CASD1: variants seen among roughly 807,000 people sequenced by gnomAD.
The protein encoded by CASD1 is N-acetylneuraminate (7)9-O-acetyltransferase.
In CASD1, 41 loss-of-function variants were observed where a neutral mutation model predicts 100.0. That is an observed-to-expected ratio of 0.41 (90% CI 0.32 to 0.53). The LOEUF (loss-of-function observed/expected upper bound fraction) is 0.53, where lower values mean the gene tolerates loss of function less well. CASD1 is among the 20% of genes least tolerant of loss of function. The probability of loss-of-function intolerance (pLI) is 0.25; values close to 1 mark genes in which losing one functional copy is unlikely to be tolerated. For missense variants in CASD1, 774 were observed against 948.7 expected (o/e 0.82, Z 2.42); for synonymous variants, 321 against 315.6 (o/e 1.02, Z -0.18).
chr7:94,554,468 G>A lies in CASD1; in HGVS notation c.2035-15G>A, dbSNP rs1297976532. The A allele has an allele frequency of 6.6e-7, 1 of 1,524,854 alleles. No homozygotes were observed. The highest frequency in any genetic ancestry group is 9.0e-7 in the Non-Finnish European group (1 of 1,106,344). The allele number at this position is 1,524,854 out of a possible 1,614,324, so 94.5% of individuals were successfully genotyped here. A position where few individuals can be genotyped will look rare whatever the true frequency, so the allele number is the denominator to read the frequency against. ...AAAGAGATTATTAATATTTGCTTTTGTGCTTTTTCTTTAGATTTTAGCCTT... is the reference window on the plus strand; with the variant it reads ...AAAGAGATTATTAATATTTGCTTTTATGCTTTTTCTTTAGATTTTAGCCTT... On this transcript the variant is annotated splice_polypyrimidine_tract_variant and intron_variant, in intron 16 of 17. Transcript: ENST00000297273.
At chr7:94,546,950 T>C (rs533917353) in intron 12 of CASD1, 146 bp from the exon 13 acceptor site, 1 of 485,708 alleles carries the variant, frequency 2.1e-6, no homozygotes, top group East Asian at 3.5e-5. Context: ...TAATTTATAC[T>C]AACTGGATAT....
chr7:94,586,798 A>G, the CASD1 span: 152,859 of 981,936 alleles, frequency 0.16, 17,624 homozygotes, highest in African/African-American at 0.56. Flanking sequence ...CACCGCACCC[A>G]GCCTCCATTT....
At chr7:94,527,008 C>G (rs927780766) in intron 3 of CASD1, among the ~76,000 whole-genome samples, 154 bp from the exon 4 acceptor site, 1 of 151,898 alleles carries the variant, frequency 6.6e-6, no homozygotes, top group Non-Finnish European at 1.5e-5. Context: ...TCGGTTTTTT[C>G]CCTTTCGGGT....
At chr7:94,542,083 C>G (rs923826848) in intron 10 of CASD1, among the ~76,000 whole-genome samples, 3 of 152,194 alleles carry the variant, frequency 2.0e-5, no homozygotes, top group African/African-American at 7.2e-5. Context: ...ATGAATTATA[C>G]TTACTGTTTA....
chr7:94,514,366 C>T (rs926773858), intron 1 of CASD1, among the ~76,000 whole-genome samples: 2 of 152,110 alleles, frequency 1.3e-5, no homozygotes, highest in Non-Finnish European at 2.9e-5. Flanking sequence ...TAAAGTATAA[C>T]TTGCTGTATC....
At chr7:94,595,554 C>A in the CASD1 span, among the ~76,000 whole-genome samples, 1 of 152,106 alleles carries the variant, frequency 6.6e-6, no homozygotes, top group South Asian at 2.1e-4. Context: ...ATTATCCAAG[C>A]ATATACCTGG....
intron 1 of CASD1, 105 bp downstream of exon 1, chr7:94,510,322 C>G: frequency 1.1e-6 from 1 of 877,436 alleles, no homozygotes; most frequent in Non-Finnish European, 1.5e-6. Flanking sequence ...GGCCTTCCGC[C>G]GGCCCGGCCC....
the CASD1 span, among the ~76,000 whole-genome samples, chr7:94,578,377 G>A: frequency 6.6e-6 from 1 of 151,944 alleles, no homozygotes; most frequent in Non-Finnish European, 1.5e-5. Context: ...TCCCACTTCC[G>A]CCTCATCAAT....
intron 8 of CASD1, 60 bp from the exon 9 acceptor site, chr7:94,537,412 A>T: frequency 6.8e-7 from 1 of 1,473,064 alleles, no homozygotes; most frequent in Non-Finnish European, 9.2e-7. Context: ...CACAGGAGAA[A>T]ATTTAATGTG....
the CASD1 span, among the ~76,000 whole-genome samples, chr7:94,605,640 C>G: frequency 6.6e-6 from 1 of 151,844 alleles, no homozygotes; most frequent in East Asian, 1.9e-4. Flanking sequence ...ATATTACAAA[C>G]TCTAAGACAA....
At chr7:94,514,549 G>C (rs1793878561) in intron 1 of CASD1, among the ~76,000 whole-genome samples, 1 of 152,110 alleles carries the variant, frequency 6.6e-6, no homozygotes, top group African/African-American at 2.4e-5. Context: ...TGGGCCATCA[G>C]ATGTTTCCTT....
chr7:94,569,050 C>T, the CASD1 span, among the ~76,000 whole-genome samples: 72 of 152,172 alleles, frequency 4.7e-4, no homozygotes, highest in Non-Finnish European at 9.4e-4. Flanking sequence ...TTGAAATATA[C>T]GATAAGATAC....
At chr7:94,586,216 A>G in the CASD1 span, among the ~76,000 whole-genome samples, 1 of 152,124 alleles carries the variant, frequency 6.6e-6, no homozygotes, top group Non-Finnish European at 1.5e-5. Flanking sequence ...CATGTGCATA[A>G]TGTTCTGTGG....
In CASD1 at chr7:94,522,769, C is replaced by T. The variant is rs992705816; in HGVS notation, c.352-4393C>T. 3.9e-5 allele frequency among the ~76,000 whole-genome samples: 6 copies of T among 152,072 alleles called. No individual in the cohort carries two copies. In the East Asian group the frequency reaches 5.8e-4, roughly 15 times the overall value. On this transcript the variant is annotated intron_variant, in intron 3 of 17. Coordinates refer to ENST00000297273, the MANE Select transcript of CASD1 (RefSeq NM_022900.5). ...ACCTCCCGGGTTCACGCCATTCTCC[C>T]GCCTCAGCCTCCCCAGTAGCTGGGA...
the CASD1 span, among the ~76,000 whole-genome samples, chr7:94,575,032 A>G: frequency 3.9e-5 from 6 of 151,916 alleles, no homozygotes; most frequent in Admixed American, 2.0e-4. Flanking sequence ...ATGGTTTTTC[A>G]TGTCTCAGTC....
intron 12 of CASD1, 21 bp downstream of exon 12, chr7:94,545,722 A>AT (rs1223398999): frequency 1.4e-6 from 2 of 1,471,274 alleles, no homozygotes; most frequent in Non-Finnish European, 1.8e-6. Flanking sequence ...TTTCTTACTA[A>AT]TGTTAGTAAA....
the CASD1 span, among the ~76,000 whole-genome samples, chr7:94,576,373 C>T: frequency 6.6e-6 from 1 of 152,168 alleles, no homozygotes; most frequent in African/African-American, 2.4e-5. Flanking sequence ...AGCCTCTGAG[C>T]CCTTGGAATA....
At chr7:94,564,094 A>G in the CASD1 span, among the ~76,000 whole-genome samples, 1 of 152,186 alleles carries the variant, frequency 6.6e-6, no homozygotes, top group Non-Finnish European at 1.5e-5. Context: ...AAGAGTTACC[A>G]TAGCGAAGAA....
At chr7:94,619,762 C>T in the CASD1 span, 1 of 152,164 alleles carries the variant, frequency 6.6e-6, no homozygotes, top group African/African-American at 2.4e-5. Context: ...ATTCTCACAA[C>T]AAGAGGGTGT....
Sources: gnomAD v4.1 joint callset for allele counts (sites outside exome capture counted in the v4.1 genomes callset) on GRCh38, gnomAD v4.1.1 for gene constraint, MANE v1.5 for transcripts, NCBI Gene and HGNC (gene_info 2026-07-23, HGNC 2026-07-21) for gene names.